The following DERA variants were observed in gnomAD, a reference collection of about 807,000 sequenced individuals.
DERA encodes the protein 2-deoxy-D-ribose 5-phosphate aldolase.
In DERA, 15 loss-of-function variants were observed where a neutral mutation model predicts 41.1. The observed-to-expected ratio is 0.37, with a 90% confidence interval of 0.24 to 0.56. The LOEUF (loss-of-function observed/expected upper bound fraction) is 0.56, where lower values mean the gene tolerates loss of function less well. Ranked by LOEUF, DERA falls within the 20% of genes least tolerant of loss-of-function variation. DERA has a pLI of 0.81. For synonymous variants in DERA, 139 were observed against 137.4 expected (o/e 1.01, Z -0.08); for missense variants, 396 against 403.4 (o/e 0.98, Z 0.16).
chr12:16,036,398 G>A lies in DERA; in HGVS notation c.900+17G>A, dbSNP rs749853604. ...GAGAGGCAGGTGAGTAATCATCTCTGTCTTTGGAATAAATTAACAAGTGTT... is the reference window on the plus strand; with the variant it reads ...GAGAGGCAGGTGAGTAATCATCTCTATCTTTGGAATAAATTAACAAGTGTT... On this transcript the variant is annotated intron_variant, in intron 8 of 8. Transcript: ENST00000428559. This position sits in a 1 kb window ranked among gnomAD's most constrained non-coding sequence, Gnocchi z 4.9. 1 of 1,571,860 alleles carries A rather than the reference G, an allele frequency of 6.4e-7. No individual in the cohort carries two copies. Among genetic ancestry groups the A allele is most frequent in the African/African-American group, 1.4e-5 (1 of 72,568 alleles).
chr12:15,960,308 A>G (rs972339538), intron 4 of DERA, among the ~76,000 whole-genome samples: 1 of 150,450 alleles, frequency 6.6e-6, no homozygotes, highest in Non-Finnish European at 1.5e-5. Flanking sequence ...ACATGTATGC[A>G]TGTTCTGTTA....
chr12:16,009,436 AC>A lies in DERA; in HGVS notation c.638-23105del, dbSNP rs1948933465. ...CATCTTTAGTTTCCATGTATTAAATACAAAAAATTGGGCCAAGTCAACCCAG... is the reference window on the plus strand; with the variant it reads ...CATCTTTAGTTTCCATGTATTAAATAAAAAAATTGGGCCAAGTCAACCCAG... On this transcript the variant is annotated intron_variant, in intron 6 of 8. Coordinates refer to ENST00000428559, the MANE Select transcript of DERA (RefSeq NM_015954.4). This position sits in a 1 kb window ranked among gnomAD's most constrained non-coding sequence, Gnocchi z 5.3. Among the ~76,000 whole-genome samples the A allele has an allele frequency of 6.6e-6, 1 of 152,198 alleles. No homozygotes were observed. The highest frequency in any genetic ancestry group is 2.4e-5 in the African/African-American group (1 of 41,450).
chr12:15,966,110 C>T lies in DERA; in HGVS notation c.508+3163C>T, dbSNP rs113999172. On this transcript the variant is annotated intron_variant, in intron 5 of 8. Transcript: ENST00000428559. This position sits in a 1 kb window ranked among gnomAD's most constrained non-coding sequence, Gnocchi z 5.1. ...AAAATTCTGAAAAGAAGGCCCGATG[C>T]GGTGGCTCACACCTGTAATCCCAGC... 3.3e-3 allele frequency among the ~76,000 whole-genome samples: 496 copies of T among 152,254 alleles called. 2 individuals are homozygous for T. The highest frequency in any genetic ancestry group is 0.011 in the African/African-American group (469 of 41,540).
rs1948755759 is a variant in DERA, at chr12:15,985,124, G to A, written c.637+2688G>A. ...TTTCCATCCTCCTAGAAATATCTTT[G>A]TGTCCCTTTATAGTCGCCTCCACTC... is the stretch of plus-strand genomic sequence containing the variant. On this transcript the variant is annotated intron_variant, in intron 6 of 8. Coordinates refer to ENST00000428559, the MANE Select transcript of DERA (RefSeq NM_015954.4). This position sits in a 1 kb window ranked among gnomAD's most constrained non-coding sequence, Gnocchi z 4.2. The A allele has an allele frequency of 6.6e-6, 1 of 152,190 alleles. No homozygotes were observed. Among genetic ancestry groups the A allele is most frequent in the African/African-American group, 2.4e-5 (1 of 41,422 alleles). 9.4% of individuals were successfully genotyped at this position (152,190 alleles called of 1,614,324 possible).
chr12:15,961,943 C>A (rs1348344242), intron 4 of DERA, among the ~76,000 whole-genome samples: 1 of 152,114 alleles, frequency 6.6e-6, no homozygotes, highest in Non-Finnish European at 1.5e-5. Context: ...GGGGTTTCAC[C>A]ATGTTGACCA....
chr12:15,938,594 T>C lies in DERA; in HGVS notation c.32-18342T>C, dbSNP rs1948388583. ...GATTCTTACCCATGAAATGTGTTTT[T>C]AAAATTGAGAAAATATTTTCTCTAT... On this transcript the variant is annotated intron_variant, in intron 1 of 8. Coordinates refer to ENST00000428559, the MANE Select transcript of DERA (RefSeq NM_015954.4). This position sits in a 1 kb window ranked among gnomAD's most constrained non-coding sequence, Gnocchi z 4.1. Among the ~76,000 whole-genome samples the C allele has an allele frequency of 6.6e-6, 1 of 152,174 alleles. No homozygotes were observed. The highest frequency in any genetic ancestry group is 2.1e-4 in the South Asian group (1 of 4,826).
In DERA at chr12:15,999,090, G is replaced by A. The variant is rs1464326391; in HGVS notation, c.637+16654G>A. Among the ~76,000 whole-genome samples, 1 of 152,198 alleles carries A rather than the reference G, an allele frequency of 6.6e-6. No individual in the cohort carries two copies. Among genetic ancestry groups the A allele is most frequent in the African/African-American group, 2.4e-5 (1 of 41,450 alleles). On this transcript the variant is annotated intron_variant, in intron 6 of 8. Coordinates refer to ENST00000428559, the MANE Select transcript of DERA (RefSeq NM_015954.4). This position sits in a 1 kb window ranked among gnomAD's most constrained non-coding sequence, Gnocchi z 5.3. ...TGTGTCGGGGAATGGGAGGAAATGAGGGATGGAGGGTTGGTGAGGGCTGGA... is the reference window on the plus strand; with the variant it reads ...TGTGTCGGGGAATGGGAGGAAATGAAGGATGGAGGGTTGGTGAGGGCTGGA...
At chr12:15,973,771 GA>G (rs1330883777) in intron 5 of DERA, among the ~76,000 whole-genome samples, 4 of 151,796 alleles carry the variant, frequency 2.6e-5, no homozygotes, top group Admixed American at 2.0e-4. Context: ...TATATTGAAG[GA>G]AAAAAGCATG....
Position 16,035,426 on chromosome 12 carries a change from T to C in DERA, c.751-806T>C, listed in dbSNP as rs1003365777. On this transcript the variant is annotated intron_variant, in intron 7 of 8. Coordinates refer to ENST00000428559, the MANE Select transcript of DERA (RefSeq NM_015954.4). The surrounding 1 kb of genome is among the most constrained non-coding windows in gnomAD (Gnocchi z 4.1). ...ACCATCTACAGATTCCCAACTCTAC[T>C]GGATAGTCAGGTTCCTGAAACATGT... Among the ~76,000 whole-genome samples, 6 of 152,210 alleles carry C rather than the reference T, an allele frequency of 3.9e-5. No homozygotes were observed. Among genetic ancestry groups the C allele is most frequent in the Non-Finnish European group, 7.3e-5 (5 of 68,034 alleles).
At chr12:16,025,231 T>C (rs1949045477) in intron 6 of DERA, among the ~76,000 whole-genome samples, 1 of 152,170 alleles carries the variant, frequency 6.6e-6, no homozygotes, top group Non-Finnish European at 1.5e-5. Flanking sequence ...TTAGTTTAAA[T>C]GTTAGTAGTC....
At chr12:16,023,088 C>T (rs1949027044) in intron 6 of DERA, among the ~76,000 whole-genome samples, 1 of 152,144 alleles carries the variant, frequency 6.6e-6, no homozygotes, top group African/African-American at 2.4e-5. Flanking sequence ...ACATTTGTGA[C>T]AGTTACAGCC....
At chr12:15,968,174 C>T (rs973471959) in intron 5 of DERA, among the ~76,000 whole-genome samples, 1 of 151,182 alleles carries the variant, frequency 6.6e-6, no homozygotes, top group Non-Finnish European at 1.5e-5. Flanking sequence ...TTACATACAA[C>T]AATGTACGTA....
At position 16,036,277 on chromosome 12, in the gene DERA, C is replaced by T; in HGVS notation, c.796C>T (p.Leu266Phe). Residue 266 changes from leucine (L) to phenylalanine (F), a missense_variant, in exon 8 of 9, where the codon CTT becomes TTT. Physicochemically the swap from Leu to Phe is conservative, Grantham distance 22. Transcript: ENST00000428559. The surrounding 1 kb of genome is among the most constrained non-coding windows in gnomAD (Gnocchi z 4.9). ...AGGCATCCGCAGTGCAAAGGATTCC[C>T]TTGCTTGGCTCTCTCTTGTAAAGGA... ...AGGIRSAKDSLAWLSLVKEEL... is the reference protein window; with the variant it reads ...AGGIRSAKDSFAWLSLVKEEL... 2 of 1,613,530 alleles carry T rather than the reference C, an allele frequency of 1.2e-6. No individual in the cohort carries two copies. The highest frequency in any genetic ancestry group is 1.7e-6 in the Non-Finnish European group (2 of 1,179,670).
At chr12:16,025,470 TA>T in intron 6 of DERA, among the ~76,000 whole-genome samples, 1 of 152,234 alleles carries the variant, frequency 6.6e-6, no homozygotes, top group East Asian at 1.9e-4. Context: ...GGATATTTTA[TA>T]ATGATGAGGG....
At position 16,003,308 on chromosome 12, in the gene DERA, C is replaced by T. The variant is rs902409640; in HGVS notation, c.637+20872C>T. Among the ~76,000 whole-genome samples the T allele has an allele frequency of 2.0e-5, 3 of 152,140 alleles. No individual in the cohort carries two copies. The highest frequency in any genetic ancestry group is 2.9e-5 in the Non-Finnish European group (2 of 68,030). On this transcript the variant is annotated intron_variant, in intron 6 of 8. Coordinates refer to ENST00000428559, the MANE Select transcript of DERA (RefSeq NM_015954.4). The surrounding 1 kb of genome is among the most constrained non-coding windows in gnomAD (Gnocchi z 4.8). ...AGTAGGAGCCTACCGTACTCCATTG[C>T]GACCTCATATTGACTAATTATATCT...
intron 1 of DERA, among the ~76,000 whole-genome samples, chr12:15,942,789 C>T (rs564807265): frequency 2.0e-5 from 3 of 152,290 alleles, no homozygotes; most frequent in East Asian, 1.9e-4. Context: ...ACGTGCTGTG[C>T]GACATTGCTG....
Position 15,957,040 on chromosome 12 carries a change from G to A in DERA, c.129+7G>A, listed in dbSNP as rs368086194. 79 of 1,611,520 alleles carry A rather than the reference G, an allele frequency of 4.9e-5. No homozygotes were observed. In the African/African-American group the frequency reaches 8.0e-4, roughly 16 times the overall value. ...CGTGAAAAAGGAGTGGCAGGTAAGG[G>A]TTCTTCTTGAGCATTCTGTGCCTGT... On this transcript the variant is annotated splice_region_variant and intron_variant, in intron 2 of 8. Coordinates refer to ENST00000428559, the MANE Select transcript of DERA (RefSeq NM_015954.4). The surrounding 1 kb of genome is among the most constrained non-coding windows in gnomAD (Gnocchi z 4.8).
chr12:16,017,692 G>A lies in DERA; in HGVS notation c.638-14850G>A, dbSNP rs1948992226. 6.6e-6 allele frequency among the ~76,000 whole-genome samples: 1 copy of A among 152,112 alleles called. No individual in the cohort carries two copies. The highest frequency in any genetic ancestry group is 1.5e-5 in the Non-Finnish European group (1 of 68,006). On this transcript the variant is annotated intron_variant, in intron 6 of 8. Coordinates refer to ENST00000428559, the MANE Select transcript of DERA (RefSeq NM_015954.4). The surrounding 1 kb of genome is among the most constrained non-coding windows in gnomAD (Gnocchi z 5.5). ...TTTTAATTTGAGGGCTTATATCTTT[G>A]CATACCCTGCTTAATTTTTTTCCAA...
At position 15,967,606 on chromosome 12, in the gene DERA, C is replaced by G. The variant is rs1312511037; in HGVS notation, c.508+4659C>G. ...CAGTGGAATCTCTGAGATGATTGGC[C>G]TCATAGCTCACAGTCCAGACTCTTG... On this transcript the variant is annotated intron_variant, in intron 5 of 8. Coordinates refer to ENST00000428559, the MANE Select transcript of DERA (RefSeq NM_015954.4). The surrounding 1 kb of genome is among the most constrained non-coding windows in gnomAD (Gnocchi z 4.9). 1.3e-5 allele frequency among the ~76,000 whole-genome samples: 2 copies of G among 152,120 alleles called. No homozygotes were observed. The highest frequency in any genetic ancestry group is 2.9e-5 in the Non-Finnish European group (2 of 68,032).
Sources: gnomAD v4.1 joint callset for allele counts (sites outside exome capture counted in the v4.1 genomes callset) on GRCh38, gnomAD v4.1.1 for gene constraint, Gnocchi (gnomAD v3.1) non-coding constraint, MANE v1.5 for transcripts, NCBI Gene and HGNC (gene_info 2026-07-23, HGNC 2026-07-21) for gene names.